PSME4: variants seen among roughly 807,000 people sequenced by gnomAD.
The protein encoded by PSME4 is proteasome activator complex subunit 4.
Under a neutral mutation model 253.9 loss-of-function variants are expected in PSME4, and 89 were observed. That is an observed-to-expected ratio of 0.35 (90% CI 0.30 to 0.42). The LOEUF is 0.42. Among genes scored for constraint, PSME4 ranks in the 10% least tolerant of loss-of-function variants. PSME4 has a pLI of 1.00. For missense variants in PSME4, 2,014 were observed against 2,195.2 expected, an observed-to-expected ratio of 0.92 and a Z score of 1.65; for synonymous variants, 851 against 759.2, an observed-to-expected ratio of 1.12 and a Z score of -1.99.
chr2:53,888,501 G>C (rs2104424149), intron 38 of PSME4, among the ~76,000 whole-genome samples: 1 of 152,294 alleles, frequency 6.6e-6, no homozygotes, highest in Non-Finnish European at 1.5e-5. Flanking sequence ...TCTAATTTGT[G>C]TTTAAATTGC....
Position 53,970,559 on chromosome 2 carries a change from T to C in PSME4, c.226A>G (p.Thr76Ala). ...QELWPGGLFW[T>A]RKLSTYIRLY... The stretch of plus-strand genomic sequence containing the variant: ...CACACTTACGTGGAGAGTTTCCTGG[T>C]CCAGAAGAGGCCCCCGGGCCACAGC... The change falls in exon 1 of 47, where the codon ACC becomes GCC. Residue 76 changes from threonine to alanine, a missense_variant. By Grantham distance (58) the Thr-to-Ala change is moderately conservative (BLOSUM62 0). This residue lies in a region of PSME4 where 615 missense variants were observed against 594.4 expected (regional missense o/e 1.03). Coordinates refer to ENST00000404125, the MANE Select transcript of PSME4 (RefSeq NM_014614.3). 1 of 1,548,138 alleles carries C rather than the reference T, an allele frequency of 6.5e-7. No individual in the cohort carries two copies. The highest frequency in any genetic ancestry group is 1.4e-5 in the African/African-American group (1 of 72,942).
At position 53,891,609 on chromosome 2, in the gene PSME4, C is replaced by T. The variant is rs112169559; in HGVS notation, c.4191+1199G>A. ...GGCACAGTAGCTCACACCTGTAATC[C>T]CAGCACTTTGGGAGGCCAAGGTAGG... On this transcript the variant is annotated intron_variant, in intron 36 of 46. Coordinates refer to ENST00000404125, the MANE Select transcript of PSME4 (RefSeq NM_014614.3). 2.0e-4 allele frequency among the ~76,000 whole-genome samples: 30 copies of T among 151,720 alleles called. 1 individual carries two copies. The highest frequency in any genetic ancestry group is 7.0e-4 in the African/African-American group (29 of 41,360).
intron 22 of PSME4, 48 bp from the exon 23 acceptor site, chr2:53,908,613 C>A (rs1464838496): frequency 6.5e-7 from 1 of 1,545,234 alleles, no homozygotes; most frequent in Non-Finnish European, 8.7e-7. Flanking sequence ...TTTTGAACTA[C>A]TATAAGAATC....
At chr2:53,947,886 C>G (rs983827050) in intron 3 of PSME4, among the ~76,000 whole-genome samples, 1 of 150,002 alleles carries the variant, frequency 6.7e-6, no homozygotes, top group Non-Finnish European at 1.5e-5. Context: ...TATGGTGGTG[C>G]ATGCCTGTAA....
chr2:53,920,534 C>A (rs1668266874), intron 18 of PSME4, among the ~76,000 whole-genome samples, 184 bp from the exon 19 acceptor site: 1 of 152,132 alleles, frequency 6.6e-6, no homozygotes, highest in African/African-American at 2.4e-5. Context: ...CGTTATCACT[C>A]CTGAAAAAAG....
chr2:53,933,375 C>CAAAAAAAAAAAAAAAAAAAA (rs571833072), intron 8 of PSME4, among the ~76,000 whole-genome samples: 13 of 60,614 alleles, frequency 2.1e-4, no homozygotes, highest in East Asian at 8.6e-4. Context: ...GAGACCATCT[C>CAAAAAAAAAAAAAAAAAAAA]AAAAAAAAAA....
chr2:53,908,065 A>G (rs932963431), intron 24 of PSME4: 4 of 417,036 alleles, frequency 9.6e-6, no homozygotes, highest in Non-Finnish European at 8.5e-6. Context: ...GGTAGTCTCA[A>G]TGCTATTGTC....
intron 3 of PSME4, among the ~76,000 whole-genome samples, chr2:53,946,434 G>T (rs1194460298): frequency 6.6e-6 from 1 of 152,184 alleles, no homozygotes; most frequent in African/African-American, 2.4e-5. Context: ...ATACCACCCT[G>T]AATGTGCCCA....
intron 40 of PSME4, among the ~76,000 whole-genome samples, chr2:53,886,277 T>C (rs1221710230): frequency 6.6e-6 from 1 of 152,074 alleles, no homozygotes; most frequent in Admixed American, 6.6e-5. Context: ...GGTGTGGTGT[T>C]GCACACCTGT....
At chr2:53,911,055 T>A (rs1451019481) in intron 20 of PSME4, among the ~76,000 whole-genome samples, 1 of 152,214 alleles carries the variant, frequency 6.6e-6, no homozygotes, top group Non-Finnish European at 1.5e-5. Context: ...CTATATTGTA[T>A]ACCCTCAAAA....
chr2:53,932,526 T>C, intron 9 of PSME4, 142 bp downstream of exon 9: 1 of 687,350 alleles, frequency 1.5e-6, no homozygotes, highest in Non-Finnish European at 2.5e-6. Flanking sequence ...CACACAGTAA[T>C]TTAATTTAAA....
chr2:53,885,724 G>T lies in PSME4; in HGVS notation c.4781C>A (p.Thr1594Lys). 6.2e-7 allele frequency: 1 copy of T among 1,613,090 alleles called. No individual in the cohort carries two copies. Among genetic ancestry groups the T allele is most frequent in the South Asian group, 1.1e-5 (1 of 91,024 alleles). Residue 1594 changes from threonine to lysine, a missense_variant, in exon 41 of 47, where the codon ACA becomes AAA. Coordinates refer to ENST00000404125, the MANE Select transcript of PSME4 (RefSeq NM_014614.3). The part of the protein sequence containing the change: ...SAGRSFSTAV[T>K]EQLQLLPLFF... Reference sequence around the variant, plus strand: ...CAAAGGTAGAAGCTGAAGTTGTTCTGTAACTGCTGTAGAAAAGGATCTTCC... The same window carrying T: ...CAAAGGTAGAAGCTGAAGTTGTTCTTTAACTGCTGTAGAAAAGGATCTTCC...
chr2:53,911,245 T>A (rs1021141997), intron 20 of PSME4, among the ~76,000 whole-genome samples: 1 of 152,160 alleles, frequency 6.6e-6, no homozygotes, highest in Non-Finnish European at 1.5e-5. Flanking sequence ...ACCAAGCCCA[T>A]AGAGTATAAA....
intron 1 of PSME4, 42 bp downstream of exon 1, chr2:53,970,501 G>C (rs1004750401): frequency 1.3e-6 from 2 of 1,547,646 alleles, no homozygotes; most frequent in Admixed American, 2.0e-5. Flanking sequence ...CTCTCACTGA[G>C]CCTTTCCCCC....
intron 1 of PSME4, among the ~76,000 whole-genome samples, chr2:53,959,975 A>AT (rs1670407512): frequency 6.6e-6 from 1 of 152,178 alleles, no homozygotes; most frequent in South Asian, 2.1e-4. Context: ...TTGTGGATTG[A>AT]TTTTTTTAGC....
intron 1 of PSME4, among the ~76,000 whole-genome samples, chr2:53,969,917 A>AAGATCTT (rs532617863): frequency 0.019 from 2,953 of 152,274 alleles, 99 homozygotes; most frequent in African/African-American, 0.068. Context: ...CACACAATCC[A>AAGATCTT]AAACAACACT....
chr2:53,871,205 T>C (rs968646530), intron 43 of PSME4, among the ~76,000 whole-genome samples: 5 of 152,164 alleles, frequency 3.3e-5, no homozygotes, highest in African/African-American at 9.7e-5. Context: ...TTCCTGGTCA[T>C]TGGGAGGTGT....
In PSME4 at chr2:53,921,070, TA is replaced by T; in HGVS notation, c.2080del (p.Tyr694IlefsTer6). On this transcript the variant is annotated frameshift_variant, in exon 18 of 47. Coordinates refer to ENST00000404125, the MANE Select transcript of PSME4 (RefSeq NM_014614.3). LOFTEE classifies it high-confidence loss of function. ...TRVDGRKLLLYREQLVKILQR... is the reference protein window; with the variant it reads ...TRVDGRKLLLXREQLVKILQR... Reference sequence around the variant, plus strand: ...GAGAATCTTTACAAGCTGCTCCCTATAAAGAAGCAACTTCCTTCCATCCACT... The same window carrying T: ...GAGAATCTTTACAAGCTGCTCCCTATAAGAAGCAACTTCCTTCCATCCACT... 1 of 1,613,890 alleles carries T rather than the reference TA, an allele frequency of 6.2e-7. No individual in the cohort carries two copies. The highest frequency in any genetic ancestry group is 1.1e-5 in the South Asian group (1 of 91,062).
chr2:53,897,029 T>C (rs912280477), intron 31 of PSME4, 144 bp from the exon 32 acceptor site: 10 of 645,634 alleles, frequency 1.5e-5, no homozygotes, highest in Middle Eastern at 3.7e-4. Context: ...TCCATGTGAG[T>C]GCTAAATCTG....
Sources: allele counts gnomAD v4.1 joint callset (sites outside exome capture counted in the v4.1 genomes callset), GRCh38; gene constraint gnomAD v4.1.1; regional missense constraint gnomAD v4.1.1; transcripts MANE v1.5; gene names NCBI Gene and HGNC (gene_info 2026-07-23, HGNC 2026-07-21).